The following NT5DC3 variants were observed in gnomAD, a reference collection of about 807,000 sequenced individuals.
NT5DC3 encodes the protein 5'-nucleotidase domain-containing protein 3.
A neutral mutation model predicts 67.8 loss-of-function variants in NT5DC3; 42 were observed. That is an observed-to-expected ratio of 0.62 (90% CI 0.48 to 0.80). The LOEUF (loss-of-function observed/expected upper bound fraction) is 0.80, where lower values mean the gene tolerates loss of function less well. Among genes scored for constraint, NT5DC3 ranks in the 30% least tolerant of loss-of-function variants. NT5DC3 has a pLI of 0.00. For synonymous variants in NT5DC3, 237 were observed against 255.6 expected (o/e 0.93, Z 0.69); for missense variants, 570 against 696.4 (o/e 0.82, Z 2.04).
In NT5DC3 at chr12:103,826,202, C is replaced by T. The variant is rs897528876; in HGVS notation, c.209-11081G>A. On this transcript the variant is annotated intron_variant, in intron 1 of 13. Transcript: ENST00000392876. ...CTCCTCTCCAGGGAATCTTTGAGATCAAAACTATTCTCATAGTAAGATGTG... is the reference window on the plus strand; with the variant it reads ...CTCCTCTCCAGGGAATCTTTGAGATTAAAACTATTCTCATAGTAAGATGTG... 4.6e-4 allele frequency among the ~76,000 whole-genome samples: 70 copies of T among 152,190 alleles called. 2 individuals carry two copies. Among genetic ancestry groups the T allele is most frequent in the Admixed American group, 4.4e-3 (67 of 15,280 alleles).
At chr12:103,758,673 T>TCAG in the NT5DC3 span, among the ~76,000 whole-genome samples, 1 of 152,182 alleles carries the variant, frequency 6.6e-6, no homozygotes, top group Admixed American at 6.5e-5. Flanking sequence ...GAGCCCAAAG[T>TCAG]CAGCATGGGG....
downstream of NT5DC3, among the ~76,000 whole-genome samples, chr12:103,769,568 G>A (rs1339178253): frequency 6.6e-6 from 1 of 152,224 alleles, no homozygotes; most frequent in African/African-American, 2.4e-5. Context: ...CCGGGTCAGT[G>A]GGACCCATGC....
the NT5DC3 span, among the ~76,000 whole-genome samples, chr12:103,756,649 A>C: frequency 2.6e-5 from 4 of 152,304 alleles, no homozygotes; most frequent in East Asian, 7.7e-4. Context: ...CATGCTTTCG[A>C]GTACGGAACA....
At chr12:103,807,398 T>C (rs932341607) in intron 2 of NT5DC3, among the ~76,000 whole-genome samples, 8 of 152,232 alleles carry the variant, frequency 5.3e-5, no homozygotes, top group Non-Finnish European at 1.2e-4. Context: ...TCAACTCATA[T>C]GTGAGCACCT....
At chr12:103,815,403 G>C (rs1163972374) in intron 1 of NT5DC3, among the ~76,000 whole-genome samples, 4 of 152,134 alleles carry the variant, frequency 2.6e-5, no homozygotes, top group African/African-American at 4.8e-5. Flanking sequence ...TGATGAAAAT[G>C]TTCTAAAATT....
At chr12:103,760,292 G>T in the NT5DC3 span, among the ~76,000 whole-genome samples, 2 of 152,198 alleles carry the variant, frequency 1.3e-5, no homozygotes, top group South Asian at 4.2e-4. Flanking sequence ...ACAGTCTCTC[G>T]CTCTGTCACC....
chr12:103,772,811 G>T lies in NT5DC3; in HGVS notation c.*5018C>A, dbSNP rs1279893519. On this transcript the variant is annotated 3_prime_UTR_variant, in exon 14 of 14. Coordinates refer to ENST00000392876, the MANE Select transcript of NT5DC3 (RefSeq NM_001031701.3). ...AGGCAGGAAGGGGGTATGATCTGGG[G>T]CAGGCAGGGCTCTTCAGCAGGGGAA... is the stretch of plus-strand genomic sequence containing the variant. 1 of 152,406 alleles carries T rather than the reference G, an allele frequency of 6.6e-6. No individual in the cohort carries two copies. The highest frequency in any genetic ancestry group is 1.5e-5 in the Non-Finnish European group (1 of 68,232). 9.4% of individuals were successfully genotyped at this position (152,406 alleles called of 1,614,324 possible).
the NT5DC3 span, chr12:103,750,579 G>A: frequency 6.2e-7 from 1 of 1,614,086 alleles, no homozygotes; most frequent in Non-Finnish European, 8.5e-7. Flanking sequence ...CCCTCCACAG[G>A]GCAAGCACAA....
chr12:103,828,202 C>T (rs1164801477), intron 1 of NT5DC3, among the ~76,000 whole-genome samples: 1 of 152,208 alleles, frequency 6.6e-6, no homozygotes, highest in Admixed American at 6.5e-5. Context: ...CAAAAGTACT[C>T]TCTGTGACTC....
chr12:103,778,376 C>T (rs1184932593), intron 13 of NT5DC3, among the ~76,000 whole-genome samples: 2 of 152,044 alleles, frequency 1.3e-5, no homozygotes, highest in Non-Finnish European at 2.9e-5. Context: ...ATTAAAAATA[C>T]AAAAATTGGC....
intron 1 of NT5DC3, among the ~76,000 whole-genome samples, chr12:103,831,063 G>A (rs1887903465): frequency 1.3e-5 from 2 of 152,168 alleles, no homozygotes; most frequent in South Asian, 4.1e-4. Context: ...CAGTTTCTCA[G>A]TTGGGATTGT....
intron 12 of NT5DC3, among the ~76,000 whole-genome samples, chr12:103,781,516 G>A (rs1161597646): frequency 2.0e-5 from 3 of 152,300 alleles, no homozygotes; most frequent in African/African-American, 7.2e-5. Flanking sequence ...GCCCTGCCAT[G>A]AACCTTTCCC....
the NT5DC3 span, chr12:103,746,457 C>A: frequency 1.4e-6 from 1 of 707,478 alleles, no homozygotes. Context: ...AAGACCTTAG[C>A]AAATCACCCC....
chr12:103,755,839 C>T, the NT5DC3 span: 1 of 879,902 alleles, frequency 1.1e-6, no homozygotes, highest in East Asian at 2.5e-5. Context: ...GGTGCTGGAC[C>T]ACCTTGCCTG....
chr12:103,813,553 T>A (rs884394), intron 2 of NT5DC3, among the ~76,000 whole-genome samples: 1 of 152,184 alleles, frequency 6.6e-6, no homozygotes, highest in African/African-American at 2.4e-5. Flanking sequence ...ATGCTGAATC[T>A]AATGGTTAGG....
intron 2 of NT5DC3, among the ~76,000 whole-genome samples, chr12:103,812,351 C>T (rs188150881): frequency 3.3e-5 from 5 of 152,218 alleles, no homozygotes; most frequent in Admixed American, 2.0e-4. Flanking sequence ...GAAAAATTTG[C>T]GTAAGCATAA....
chr12:103,769,442 G>A (rs953153082), downstream of NT5DC3, among the ~76,000 whole-genome samples: 1 of 152,200 alleles, frequency 6.6e-6, no homozygotes, highest in Non-Finnish European at 1.5e-5. Flanking sequence ...AAACACCAGC[G>A]GAAAACTCCG....
At position 103,796,959 on chromosome 12, in the gene NT5DC3, C is replaced by T. The variant is rs200147136; in HGVS notation, c.688G>A (p.Val230Met). 1.1e-5 allele frequency: 17 copies of T among 1,614,032 alleles called. No individual in the cohort carries two copies. Among genetic ancestry groups the T allele is most frequent in the East Asian group, 2.2e-5 (1 of 44,866 alleles). The change falls in exon 6 of 14, where the codon GTG becomes ATG. Residue 230 changes from valine to methionine, a missense_variant. Around this residue, in one of 2 missense-constraint regions of NT5DC3, gnomAD observed 466 missense variants for 608.0 expected, o/e 0.77. Transcript: ENST00000392876. ...TTGTTCTTGAGGAAGTATTCATTCA[C>T]GCAGGACAGGAGGGTCATCTCGGGC... The part of the protein sequence containing the change: ...SLPEMTLLSC[V>M]NEYFLKNNID...
At position 103,814,976 on chromosome 12, in the gene NT5DC3, T is replaced by C; in HGVS notation, c.354A>G (p.Ile118Met). The stretch of plus-strand genomic sequence containing the variant: ...TGAGAAGGTCCCGTGCAGCATTAAA[T>C]ATCAGCGTGTGGAGGTGCTTTGAAT... ...VFYSKHLHTL[I>M]FNAARDLLIN... is the part of the protein sequence containing the mutation. Residue 118 changes from isoleucine to methionine, a missense_variant, in exon 2 of 14, where the codon ATA becomes ATG. Ile to Met is a conservative substitution (Grantham distance 10, BLOSUM62 1). Around this residue, in one of 2 missense-constraint regions of NT5DC3, gnomAD observed 466 missense variants for 608.0 expected, o/e 0.77. Transcript: ENST00000392876. 6.2e-7 allele frequency: 1 copy of C among 1,613,340 alleles called. No homozygotes were observed. Among genetic ancestry groups the C allele is most frequent in the Non-Finnish European group, 8.5e-7 (1 of 1,179,610 alleles).
Sources: gnomAD v4.1 joint callset for allele counts (sites outside exome capture counted in the v4.1 genomes callset) on GRCh38, gnomAD v4.1.1 for gene constraint, gnomAD v4.1.1 regional missense constraint, MANE v1.5 for transcripts, NCBI Gene and HGNC (gene_info 2026-07-23, HGNC 2026-07-21) for gene names.